LPO: variants seen among roughly 807,000 people sequenced by gnomAD.
LPO encodes salivary peroxidase.
LPO carries 70 observed loss-of-function variants against 68.4 expected under a neutral mutation model. The ratio of observed to expected loss-of-function variants is 1.02; its 90% CI spans 0.84 to 1.25. LPO has a LOEUF of 1.25. LPO is among the 50% of genes most tolerant of loss of function. LPO has a pLI of 0.00. For synonymous variants in LPO, 360 were observed against 357.6 expected (o/e 1.01, Z -0.08); for missense variants, 873 against 908.4 (o/e 0.96, Z 0.50).
chr17:58,246,048 G>A (rs1969847854), intron 3 of LPO, among the ~76,000 whole-genome samples: 1 of 152,134 alleles, frequency 6.6e-6, no homozygotes, highest in South Asian at 2.1e-4. Context: ...TTTATGATAA[G>A]GAAAATGAAG....
At chr17:58,249,976 G>A (rs1439927802) in intron 6 of LPO, among the ~76,000 whole-genome samples, 1 of 151,584 alleles carries the variant, frequency 6.6e-6, no homozygotes, top group African/African-American at 2.4e-5. Context: ...CCCAGCCCCC[G>A]CCCCTGGAGT....
Position 58,267,343 on chromosome 17 carries a change from C to T in LPO, c.1694-6C>T, listed in dbSNP as rs992703511. 1.9e-6 allele frequency: 3 copies of T among 1,611,956 alleles called. No individual in the cohort carries two copies. The highest frequency in any genetic ancestry group is 2.2e-5 in the South Asian group (2 of 91,040). ...GGATGAGACAGCCTCAGTCTCTCCA[C>T]CCTAGGGTACAATTCCTGGAGAGCC... On this transcript the variant is annotated splice_polypyrimidine_tract_variant and splice_region_variant and intron_variant, in intron 11 of 12. Coordinates refer to ENST00000262290, the MANE Select transcript of LPO (RefSeq NM_006151.3).
chr17:58,250,659 T>C, intron 7 of LPO, 38 bp downstream of exon 7: 1 of 1,591,728 alleles, frequency 6.3e-7, no homozygotes, highest in Non-Finnish European at 8.6e-7. Context: ...ACTAGCCCCT[T>C]GCCCACCCTG....
intron 7 of LPO, chr17:58,251,719 A>G (rs921733002): frequency 3.0e-5 from 11 of 366,524 alleles, no homozygotes; most frequent in South Asian, 2.3e-4. Context: ...TCTGAGCCCC[A>G]GTTTTCTCAT....
At chr17:58,251,647 T>A in intron 7 of LPO, 1 of 347,542 alleles carries the variant, frequency 2.9e-6, no homozygotes, top group South Asian at 2.3e-5. Flanking sequence ...ATGAAGCCAA[T>A]GATCTGAATC....
chr17:58,264,370 G>T (rs921290895), intron 9 of LPO, among the ~76,000 whole-genome samples: 7 of 150,100 alleles, frequency 4.7e-5, no homozygotes, highest in African/African-American at 1.5e-4. Flanking sequence ...CATTCCTCTT[G>T]CCCTGACATT....
Position 58,244,090 on chromosome 17 carries a change from GACACACACACACACACACAC to G in LPO, c.164+32_164+51del. 4 of 1,060,418 alleles carry G rather than the reference GACACACACACACACACACAC, an allele frequency of 3.8e-6. No homozygotes were observed. The highest frequency in any genetic ancestry group is 5.7e-6 in the Non-Finnish European group (4 of 706,630). 65.7% of individuals were successfully genotyped at this position (1,060,418 alleles called of 1,614,324 possible). A position where few individuals can be genotyped will look rare whatever the true frequency, so the allele number is the denominator to read the frequency against. On this transcript the variant is annotated intron_variant, in intron 3 of 12. Transcript: ENST00000262290. ...CTGGACTCCCGAACCAGGTACGTGA[GACACACACACACACACACAC>G]ACACACACACACACACACACACTTC...
rs59837478 is a variant in LPO, at chr17:58,267,652, C to T, written c.1931+66C>T. 2.6e-4 allele frequency: 396 copies of T among 1,496,640 alleles called. 1 individual carries two copies. In the East Asian group the frequency reaches 7.6e-3, roughly 29 times the overall value. 92.7% of individuals were successfully genotyped at this position (1,496,640 alleles called of 1,614,324 possible). A position where few individuals can be genotyped will look rare whatever the true frequency, so the allele number is the denominator to read the frequency against. ...TCTCCAAGAGGGGTGTCCCAAGGTCCTGCGTGAGCGCTGACTCCGGATCTC... is the reference window on the plus strand; with the variant it reads ...TCTCCAAGAGGGGTGTCCCAAGGTCTTGCGTGAGCGCTGACTCCGGATCTC... On this transcript the variant is annotated intron_variant, in intron 12 of 12. Coordinates refer to ENST00000262290, the MANE Select transcript of LPO (RefSeq NM_006151.3).
At chr17:58,241,653 G>A (rs1969762249) in intron 1 of LPO, among the ~76,000 whole-genome samples, 1 of 152,142 alleles carries the variant, frequency 6.6e-6, no homozygotes, top group Non-Finnish European at 1.5e-5. Context: ...TCATCTTGGG[G>A]TGGGGGGAAG....
chr17:58,264,662 C>T (rs1192001993), intron 9 of LPO, 60 bp from the exon 10 acceptor site: 5 of 1,581,930 alleles, frequency 3.2e-6, no homozygotes, highest in Non-Finnish European at 4.3e-6. Context: ...TTCACAGCCT[C>T]CCTCTGCAGA....
chr17:58,264,766 C>G lies in LPO; in HGVS notation c.1311C>G (p.His437Gln). 1 of 1,614,224 alleles carries G rather than the reference C, an allele frequency of 6.2e-7. No individual in the cohort carries two copies. Among genetic ancestry groups the G allele is most frequent in the Non-Finnish European group, 8.5e-7 (1 of 1,180,042 alleles). The change falls in exon 10 of 13, where the codon CAC becomes CAG. Residue 437 changes from histidine to glutamine, a missense_variant. Coordinates refer to ENST00000262290, the MANE Select transcript of LPO (RefSeq NM_006151.3). ...ACCTACCCATTTTGCTAGGTGACCA[C>G]ATGCAGAAGTGGATACCCCCATATC... The part of the protein sequence containing the change: ...RDYLPILLGD[H>Q]MQKWIPPYQG...
At position 58,250,501 on chromosome 17, in the gene LPO, G is replaced by A; in HGVS notation, c.660G>A (p.Trp220Ter). ...ACAGGTCCCTGCTCTTCATGCAGTG[G>A]GGTCAGATTGTGGATCATGACCTGG... Reference protein sequence around the residue: ...DQNRSLLFMQWGQIVDHDLDF... With the variant: ...DQNRSLLFMQ The change falls in exon 7 of 13, where the codon TGG becomes TGA. Residue 220 changes from tryptophan to a stop codon, truncating the protein, a stop_gained. Coordinates refer to ENST00000262290, the MANE Select transcript of LPO (RefSeq NM_006151.3). LOFTEE classifies it high-confidence loss of function. 1 of 1,614,136 alleles carries A rather than the reference G, an allele frequency of 6.2e-7. No individual in the cohort carries two copies. The highest frequency in any genetic ancestry group is 8.5e-7 in the Non-Finnish European group (1 of 1,180,014).
In LPO at chr17:58,267,823, G is replaced by T; in HGVS notation, c.1968G>T (p.Glu656Asp). 4 of 1,614,152 alleles carry T rather than the reference G, an allele frequency of 2.5e-6. No homozygotes were observed. The highest frequency in any genetic ancestry group is 3.4e-6 in the Non-Finnish European group (4 of 1,180,034). The change falls in exon 13 of 13, where the codon GAG becomes GAT. Residue 656 changes from glutamate to aspartate, a missense_variant. Transcript: ENST00000262290. ...AAAACCCTGGGGTCTTCACGAACGAGCAGAAGGACTCTCTACAGAAAATGT... is the reference window on the plus strand; with the variant it reads ...AAAACCCTGGGGTCTTCACGAACGATCAGAAGGACTCTCTACAGAAAATGT... ...WWENPGVFTNEQKDSLQKMSF... is the reference protein window; with the variant it reads ...WWENPGVFTNDQKDSLQKMSF...
In LPO at chr17:58,264,794, G is replaced by A; in HGVS notation, c.1339G>A (p.Gly447Ser). 1 of 1,614,206 alleles carries A rather than the reference G, an allele frequency of 6.2e-7. No homozygotes were observed. The highest frequency in any genetic ancestry group is 8.5e-7 in the Non-Finnish European group (1 of 1,180,042). Residue 447 changes from glycine (G) to serine (S), a missense_variant, in exon 10 of 13, where the codon GGC becomes AGC. Physicochemically the swap from Gly to Ser is moderately conservative, Grantham distance 56. Transcript: ENST00000262290. ...GCAGAAGTGGATACCCCCATATCAA[G>A]GCTACAGTGAATCTGTGGATCCCAG... ...HMQKWIPPYQ[G>S]YSESVDPRIS...
chr17:58,259,055 G>A (rs1970127159), intron 9 of LPO, among the ~76,000 whole-genome samples: 1 of 151,568 alleles, frequency 6.6e-6, no homozygotes, highest in Non-Finnish European at 1.5e-5. Flanking sequence ...TCTTAAGAAG[G>A]TCTTTTGTAG....
In LPO at chr17:58,268,184, C is replaced by G. The variant is rs1970311864; in HGVS notation, c.*190C>G. On this transcript the variant is annotated 3_prime_UTR_variant, in exon 13 of 13. Coordinates refer to ENST00000262290, the MANE Select transcript of LPO (RefSeq NM_006151.3). Reference sequence around the variant, plus strand: ...CCTCGGCCCTCCCAGCTCTTACACTCAGCTCCAGTGGCTTCTCCTTTCTGT... The same window carrying G: ...CCTCGGCCCTCCCAGCTCTTACACTGAGCTCCAGTGGCTTCTCCTTTCTGT... The G allele has an allele frequency of 1.7e-6, 1 of 600,514 alleles. No homozygotes were observed. Among genetic ancestry groups the G allele is most frequent in the East Asian group, 2.8e-5 (1 of 35,622 alleles). The allele number at this position is 600,514 out of a possible 1,614,324, so 37.2% of individuals were successfully genotyped here.
chr17:58,247,925 G>A (rs558849995), intron 4 of LPO, among the ~76,000 whole-genome samples: 1 of 152,160 alleles, frequency 6.6e-6, no homozygotes, highest in Non-Finnish European at 1.5e-5. Flanking sequence ...CCGTCTGTAA[G>A]GCCTCTGCCC....
Position 58,252,434 on chromosome 17 carries a change from C to T in LPO, c.1033C>T (p.Pro345Ser), listed in dbSNP as rs1359543222. ...EVSDHGLPYL[P>S]YDSKKPSPCE... ...CTCAGACCATGGACTACCCTACCTG[C>T]CCTATGACAGCAAGAAGCCAAGCCC... The change falls in exon 8 of 13, where the codon CCC becomes TCC. Residue 345 changes from proline to serine, a missense_variant. Pro to Ser is a moderately conservative substitution (Grantham distance 74, BLOSUM62 -1). Transcript: ENST00000262290. The T allele has an allele frequency of 6.2e-7, 1 of 1,614,012 alleles. No homozygotes were observed. The highest frequency in any genetic ancestry group is 1.3e-5 in the African/African-American group (1 of 74,932).
intron 9 of LPO, 31 bp from the exon 10 acceptor site, chr17:58,264,691 C>A (rs778325061): frequency 3.7e-6 from 6 of 1,611,858 alleles, no homozygotes; most frequent in Non-Finnish European, 5.1e-6. Context: ...CCTTCTTACA[C>A]CCTTTCCTCT....
Sources: allele counts gnomAD v4.1 joint callset (sites outside exome capture counted in the v4.1 genomes callset), GRCh38; gene constraint gnomAD v4.1.1; transcripts MANE v1.5; gene names NCBI Gene and HGNC (gene_info 2026-07-23, HGNC 2026-07-21).